Variants in SEC31B observed in about 807,000 individuals in gnomAD.
The protein encoded by SEC31B is SEC31 homolog B, COPII component, also known as protein transport protein Sec31B.
A neutral mutation model predicts 135.0 loss-of-function variants in SEC31B; 113 were observed. The observed-to-expected ratio is 0.84, with a 90% confidence interval of 0.72 to 0.98. SEC31B has a LOEUF of 0.98. Among genes scored for constraint, SEC31B ranks in the 50% least tolerant of loss-of-function variants. The probability of loss-of-function intolerance (pLI) is 0.00; values close to 1 mark genes in which losing one functional copy is unlikely to be tolerated. For missense variants in SEC31B, 1,296 were observed against 1,421.1 expected (o/e 0.91, Z 1.42); for synonymous variants, 508 against 549.4 (o/e 0.92, Z 1.05).
rs1463935557 is a variant in SEC31B, at chr10:100,516,130, AG to A, written c.168del (p.Leu57Ter). 6.2e-7 allele frequency: 1 copy of A among 1,614,124 alleles called. No individual in the cohort carries two copies. Among genetic ancestry groups the A allele is most frequent in the Admixed American group, 1.7e-5 (1 of 60,004 alleles). On this transcript the variant is annotated frameshift_variant, in exon 3 of 26. Coordinates refer to ENST00000370345, the MANE Select transcript of SEC31B (RefSeq NM_015490.4). LOFTEE classifies it high-confidence loss of function. ...GCAGAAAGGACTCCTCTGTGTTTCA[AG>A]TCCAGAGAAGGGTCCCTGAAATCAA... ...FEVDFRDPSL[D>X]LKHRGVLSAL...
At chr10:100,518,877 T>C (rs1437604366) in intron 1 of SEC31B, among the ~76,000 whole-genome samples, 1 of 152,258 alleles carries the variant, frequency 6.6e-6, no homozygotes, top group Non-Finnish European at 1.5e-5. Context: ...TTGTGGCTAC[T>C]ATCACGTATT....
intron 3 of SEC31B, among the ~76,000 whole-genome samples, chr10:100,513,016 C>T (rs2133697259): frequency 6.6e-6 from 1 of 152,296 alleles, no homozygotes; most frequent in East Asian, 1.9e-4. Flanking sequence ...AGACAGAAAG[C>T]AAAGGACGAG....
intron 3 of SEC31B, among the ~76,000 whole-genome samples, chr10:100,515,002 A>T (rs1383563347): frequency 6.7e-6 from 1 of 149,534 alleles, no homozygotes; most frequent in African/African-American, 2.5e-5. Context: ...AAAAAAAAAT[A>T]GTAGAGCCAG....
chr10:100,508,266 A>G (rs76950245), intron 5 of SEC31B, among the ~76,000 whole-genome samples: 1,850 of 152,268 alleles, frequency 0.012, 48 homozygotes, highest in African/African-American at 0.042. Flanking sequence ...GGCACATCTA[A>G]GTTTTACTCC....
chr10:100,507,938 A>C lies in SEC31B; in HGVS notation c.609T>G (p.Pro203=). The C allele has an allele frequency of 6.2e-7, 1 of 1,614,182 alleles. No homozygotes were observed. Among genetic ancestry groups the C allele is most frequent in the Non-Finnish European group, 8.5e-7 (1 of 1,180,030 alleles). ...AVVWDLRKNE[P]IIKVSDHSNR... ...TGCTGTGATCACTGACTTTGATGAT[A>C]GGTTCATTCTTCCTGAGATCCCACA... Residue 203 remains proline, a synonymous_variant, in exon 6 of 26, where the codon CCT becomes CCG. Coordinates refer to ENST00000370345, the MANE Select transcript of SEC31B (RefSeq NM_015490.4).
rs1394432577 is a variant in SEC31B at position 100,498,808 on chromosome 10, T to C, written c.1585-4A>G. ...CCTTTGTGGTGTGTTTGGAGGCCTG[T>C]ATGAGGAAGGACAGAGGTGACTACT... On this transcript the variant is annotated splice_region_variant and splice_polypyrimidine_tract_variant and intron_variant, in intron 13 of 25. Transcript: ENST00000370345. 2 of 1,608,958 alleles carry C rather than the reference T, an allele frequency of 1.2e-6. No individual in the cohort carries two copies. The highest frequency in any genetic ancestry group is 1.7e-6 in the Non-Finnish European group (2 of 1,175,716).
Position 100,499,508 on chromosome 10 carries a change from G to A in SEC31B, c.1485+16C>T, listed in dbSNP as rs754075224. ...TCTTCAACAAGTACATGTTTCTGAT[G>A]TGAAAAGCAGCTTACCTTCTTCTGA... is the stretch of plus-strand genomic sequence containing the variant. On this transcript the variant is annotated intron_variant, in intron 12 of 25. Coordinates refer to ENST00000370345, the MANE Select transcript of SEC31B (RefSeq NM_015490.4). 2.5e-6 allele frequency: 4 copies of A among 1,588,546 alleles called. No individual in the cohort carries two copies. Among genetic ancestry groups the A allele is most frequent in the Non-Finnish European group, 3.4e-6 (4 of 1,163,052 alleles).
chr10:100,497,434 G>T (rs1002881366), intron 16 of SEC31B, 154 bp from the exon 17 acceptor site: 5 of 1,480,184 alleles, frequency 3.4e-6, no homozygotes, highest in Non-Finnish European at 4.5e-6. Flanking sequence ...GAAGGGGAAA[G>T]TTCTCACATC....
chr10:100,499,449 T>G, intron 12 of SEC31B, 75 bp downstream of exon 12: 2 of 1,268,578 alleles, frequency 1.6e-6, no homozygotes, highest in Non-Finnish European at 2.3e-6. Flanking sequence ...AGAGGTATTC[T>G]GAGGTGGTTT....
chr10:100,510,949 T>C (rs1460940530), intron 3 of SEC31B, among the ~76,000 whole-genome samples: 1 of 152,004 alleles, frequency 6.6e-6, no homozygotes, highest in Non-Finnish European at 1.5e-5. Context: ...GTCAACTGAG[T>C]AGCTAGAGAA....
At chr10:100,489,027 T>G in intron 23 of SEC31B, 53 bp from the exon 24 acceptor site, 1 of 1,556,716 alleles carries the variant, frequency 6.4e-7, no homozygotes, top group Non-Finnish European at 8.7e-7. Flanking sequence ...GTCCTTCTCA[T>G]GGCTTCCCTA....
rs772445264 is a variant in SEC31B at position 100,505,487 on chromosome 10, AGAG to A, written c.1050_1052del (p.Ser352del). 2.0e-5 allele frequency: 31 copies of A among 1,544,568 alleles called. No homozygotes were observed. The South Asian group carries it at 3.0e-4, about 15-fold the overall frequency. On this transcript the variant is annotated inframe_deletion, in exon 10 of 26. Coordinates refer to ENST00000370345, the MANE Select transcript of SEC31B (RefSeq NM_015490.4). ...GGAGAGGCTGGCCTTTGCTGAAGGA[AGAG>A]GAGATCTGGGGGGAAAAGACACCTG...
At chr10:100,506,473 AG>A in intron 7 of SEC31B, 53 bp from the exon 8 acceptor site, 3 of 1,529,466 alleles carry the variant, frequency 2.0e-6, no homozygotes, top group Non-Finnish European at 1.8e-6. Context: ...TACTATGAGT[AG>A]GGTGCCTTAT....
At chr10:100,496,484 T>C (rs1346568036) in intron 17 of SEC31B, 53 bp from the exon 18 acceptor site, 61 of 1,587,682 alleles carry the variant, frequency 3.8e-5, no homozygotes, top group Non-Finnish European at 1.7e-6. Context: ...TATCCTGCTC[T>C]CTAAGTCCAC....
In SEC31B at chr10:100,519,806, G is replaced by A. The variant is rs1169574863; in HGVS notation, c.-70C>T. On this transcript the variant is annotated 5_prime_UTR_variant, in exon 1 of 26. Coordinates refer to ENST00000370345, the MANE Select transcript of SEC31B (RefSeq NM_015490.4). ...CCTGTGCGGAAGACCCCGGACAAGG[G>A]TCAGGCGCGGCGGCCGGAGCCGCTC... 2 of 152,302 alleles carry A rather than the reference G, an allele frequency of 1.3e-5. No homozygotes were observed. Among genetic ancestry groups the A allele is most frequent in the African/African-American group, 4.8e-5 (2 of 41,458 alleles). The allele number at this position is 152,302 out of a possible 1,614,324, so 9.4% of individuals were successfully genotyped here.
At chr10:100,497,011 CCTCCCTAACA>C in intron 17 of SEC31B, 114 bp downstream of exon 17, 1 of 1,128,484 alleles carries the variant, frequency 8.9e-7, no homozygotes, top group African/African-American at 1.5e-5. Flanking sequence ...ACCTTTCGCT[CCTCCCTAACA>C]CCGTGGTTCC....
At chr10:100,495,214 TA>T in intron 19 of SEC31B, 170 bp downstream of exon 19, 1 of 691,782 alleles carries the variant, frequency 1.4e-6, no homozygotes, top group Non-Finnish European at 2.5e-6. Flanking sequence ...CTTTATGTCC[TA>T]AGAGCCTAGT....
intron 10 of SEC31B, among the ~76,000 whole-genome samples, chr10:100,502,877 C>T (rs1299185906): frequency 1.3e-5 from 2 of 152,200 alleles, no homozygotes; most frequent in Non-Finnish European, 2.9e-5. Context: ...CCATCCCATT[C>T]CCAGTGCCAG....
chr10:100,497,401 T>C, intron 16 of SEC31B, 121 bp from the exon 17 acceptor site: 4 of 1,523,962 alleles, frequency 2.6e-6, no homozygotes, highest in Non-Finnish European at 3.5e-6. Context: ...AAGACAACAC[T>C]GAGACTCACC....
Sources: allele counts gnomAD v4.1 joint callset (sites outside exome capture counted in the v4.1 genomes callset), GRCh38; gene constraint gnomAD v4.1.1; transcripts MANE v1.5; gene names NCBI Gene and HGNC (gene_info 2026-07-23, HGNC 2026-07-21).